The following NRXN1 variants were observed in gnomAD, a reference collection of about 807,000 sequenced individuals.
The protein encoded by NRXN1 is neurexin 1.
In NRXN1, 39 loss-of-function variants were observed where a neutral mutation model predicts 150.9. The ratio of observed to expected loss-of-function variants is 0.26; its 90% CI spans 0.20 to 0.34. The LOEUF is 0.34. Ranked by LOEUF, NRXN1 falls within the 10% of genes least tolerant of loss-of-function variation. The probability of loss-of-function intolerance (pLI) is 1.00; values close to 1 mark genes in which losing one functional copy is unlikely to be tolerated. For missense variants in NRXN1, 1,815 were observed against 1,949.9 expected (o/e 0.93, Z 1.30); for synonymous variants, 924 against 757.0 (o/e 1.22, Z -3.62).
intron 21 of NRXN1, among the ~76,000 whole-genome samples, chr2:50,008,990 A>T (rs1424048462): frequency 2.0e-5 from 3 of 152,148 alleles, no homozygotes; most frequent in Admixed American, 2.0e-4. Context: ...TCAAGGTAAC[A>T]AATCCTGAGA....
chr2:50,577,226 T>C (rs1422426583), intron 8 of NRXN1, among the ~76,000 whole-genome samples: 1 of 152,142 alleles, frequency 6.6e-6, no homozygotes, highest in Non-Finnish European at 1.5e-5. Context: ...AAGATTAAAT[T>C]AGAACATTCA....
At chr2:50,059,792 C>T (rs1397624108) in intron 19 of NRXN1, among the ~76,000 whole-genome samples, 1 of 152,202 alleles carries the variant, frequency 6.6e-6, no homozygotes, top group East Asian at 1.9e-4. Flanking sequence ...AGCCCCAAAC[C>T]TTGGTGGCTT....
chr2:50,164,240 G>A (rs1462062981), intron 18 of NRXN1, among the ~76,000 whole-genome samples: 1 of 152,146 alleles, frequency 6.6e-6, no homozygotes, highest in East Asian at 1.9e-4. Flanking sequence ...GGCACAATGA[G>A]AGAAACTGTT....
intron 21 of NRXN1, among the ~76,000 whole-genome samples, chr2:49,997,239 T>A (rs1683150679): frequency 6.6e-6 from 1 of 152,178 alleles, no homozygotes; most frequent in African/African-American, 2.4e-5. Context: ...TACAAAAATT[T>A]ATTATAGCTC....
chr2:50,294,617 T>C (rs967861748), intron 17 of NRXN1, among the ~76,000 whole-genome samples: 3 of 152,128 alleles, frequency 2.0e-5, no homozygotes, highest in Non-Finnish European at 2.9e-5. Context: ...TGATCCAGCC[T>C]GGGGTGGAGA....
intron 17 of NRXN1, among the ~76,000 whole-genome samples, chr2:50,323,592 T>A (rs11904611): frequency 0.22 from 33,228 of 150,310 alleles, 4,223 homozygotes; most frequent in East Asian, 0.51. Context: ...TATATATATA[T>A]AACTTAGCAG....
chr2:50,864,714 G>A (rs1284363159), intron 5 of NRXN1, among the ~76,000 whole-genome samples: 1 of 151,970 alleles, frequency 6.6e-6, no homozygotes, highest in Non-Finnish European at 1.5e-5. Flanking sequence ...CAAAATCTCT[G>A]GGCCTTTTCC....
At chr2:50,735,324 A>G (rs1373793750) in intron 5 of NRXN1, among the ~76,000 whole-genome samples, 1 of 152,110 alleles carries the variant, frequency 6.6e-6, no homozygotes, top group Admixed American at 6.6e-5. Context: ...AATGGCTTAC[A>G]AAGATTAACA....
intron 18 of NRXN1, among the ~76,000 whole-genome samples, chr2:50,177,781 C>A (rs1249077656): frequency 9.5e-5 from 5 of 52,862 alleles, no homozygotes; most frequent in African/African-American, 3.6e-4. Flanking sequence ...CTAACTCTCT[C>A]TCTCTCTCTC....
chr2:50,481,959 G>A (rs2090500947), intron 15 of NRXN1, among the ~76,000 whole-genome samples: 1 of 140,278 alleles, frequency 7.1e-6, no homozygotes, highest in African/African-American at 3.2e-5. Context: ...TAGTAGAGAC[G>A]GGGTTTCACC....
intron 8 of NRXN1, among the ~76,000 whole-genome samples, chr2:50,583,236 C>T (rs950463714): frequency 3.3e-5 from 5 of 151,962 alleles, no homozygotes; most frequent in African/African-American, 1.2e-4. Flanking sequence ...GAGACAAGTT[C>T]TCACTATGTT....
chr2:50,571,623 T>A (rs1197406001), intron 8 of NRXN1, among the ~76,000 whole-genome samples: 2 of 152,058 alleles, frequency 1.3e-5, no homozygotes, highest in Non-Finnish European at 2.9e-5. Context: ...AATGAGATTT[T>A]TTTTTTTGGT....
chr2:50,563,512 G>A (rs1398927694), intron 8 of NRXN1, among the ~76,000 whole-genome samples: 1 of 152,166 alleles, frequency 6.6e-6, no homozygotes, highest in Non-Finnish European at 1.5e-5. Context: ...GTATATAGGA[G>A]TTATCTGGTA....
intron 17 of NRXN1, among the ~76,000 whole-genome samples, chr2:50,323,211 A>T (rs766461074): frequency 1.3e-5 from 2 of 152,198 alleles, no homozygotes; most frequent in African/African-American, 2.4e-5. Flanking sequence ...TTTAACATAC[A>T]GCAGAATCTT....
intron 18 of NRXN1, among the ~76,000 whole-genome samples, chr2:50,231,118 A>G (rs2064898309): frequency 1.3e-5 from 2 of 152,242 alleles, no homozygotes; most frequent in Non-Finnish European, 1.5e-5. Flanking sequence ...TATATACAAC[A>G]TATGATTTAC....
chr2:50,913,053 A>G (rs1235490422), intron 5 of NRXN1: 1 of 151,816 alleles, frequency 6.6e-6, no homozygotes, highest in African/African-American at 2.4e-5. Context: ...ATCCAACCAC[A>G]CTGCTGAGAA....
intron 18 of NRXN1, among the ~76,000 whole-genome samples, chr2:50,093,231 C>T (rs1475517203): frequency 1.3e-5 from 2 of 152,018 alleles, no homozygotes; most frequent in Non-Finnish European, 2.9e-5. Flanking sequence ...AAATGCCTTA[C>T]AATGACATGT....
At chr2:50,181,649 T>C (rs1464282043) in intron 18 of NRXN1, among the ~76,000 whole-genome samples, 1 of 152,134 alleles carries the variant, frequency 6.6e-6, no homozygotes, top group Non-Finnish European at 1.5e-5. Flanking sequence ...ATCGTTCTGA[T>C]ACACAAATAA....
intron 12 of NRXN1, among the ~76,000 whole-genome samples, chr2:50,526,153 C>T (rs2092946206): frequency 6.6e-6 from 1 of 151,712 alleles, no homozygotes; most frequent in South Asian, 2.1e-4. Flanking sequence ...AACAGCAGCA[C>T]AATTTTAAGT....
Sources: gnomAD v4.1 joint callset for allele counts (sites outside exome capture counted in the v4.1 genomes callset) on GRCh38, gnomAD v4.1.1 for gene constraint, MANE v1.5 for transcripts, NCBI Gene and HGNC (gene_info 2026-07-23, HGNC 2026-07-21) for gene names.